The following SEPTIN2 variants were observed in gnomAD, a reference collection of about 807,000 sequenced individuals.
SEPTIN2 encodes the protein septin-2.
Under a neutral mutation model 46.5 loss-of-function variants are expected in SEPTIN2, and 34 were observed. The observed-to-expected ratio is 0.73, with a 90% CI of 0.56 to 0.97. The LOEUF is 0.97. Among genes scored for constraint, SEPTIN2 ranks in the 50% least tolerant of loss-of-function variants. SEPTIN2 has a pLI of 0.00. For synonymous variants in SEPTIN2, 175 were observed against 153.4 expected, an observed-to-expected ratio of 1.14 and a Z score of -1.04; for missense variants, 347 against 448.4, an observed-to-expected ratio of 0.77 and a Z score of 2.04.
At chr2:241,321,149 A>T (rs571414429) in intron 1 of SEPTIN2, among the ~76,000 whole-genome samples, 2 of 152,102 alleles carry the variant, frequency 1.3e-5, no homozygotes, top group East Asian at 1.9e-4. Context: ...AAATTTCTCT[A>T]TGTCTGCTAA....
At chr2:241,332,577 G>T (rs1255226543) in intron 3 of SEPTIN2, among the ~76,000 whole-genome samples, 2 of 152,198 alleles carry the variant, frequency 1.3e-5, no homozygotes, top group Non-Finnish European at 1.5e-5. Flanking sequence ...CAGTATGGAA[G>T]CCAGTTTGGT....
chr2:241,337,289 T>C (rs779644563), intron 5 of SEPTIN2, 93 bp from the exon 6 acceptor site: 1 of 1,069,048 alleles, frequency 9.4e-7, no homozygotes, highest in Non-Finnish European at 1.4e-6. Flanking sequence ...TTAAATTATG[T>C]ATATTTGGGC....
Position 241,337,437 on chromosome 2 carries a change from G to A in SEPTIN2, c.397G>A (p.Glu133Lys), listed in dbSNP as rs1474749082. Residue 133 changes from glutamate to lysine, a missense_variant, in exon 6 of 13, where the codon GAG (glutamate) becomes AAG (lysine). Glu to Lys is a moderately conservative substitution (Grantham distance 56, BLOSUM62 1). Coordinates refer to ENST00000391971, the MANE Select transcript of SEPTIN2 (RefSeq NM_004404.5). Reference protein sequence around the residue: ...DEQFERYLHDESGLNRRHIID... With the variant: ...DEQFERYLHDKSGLNRRHIID... ...GCAATTTGAGAGGTACCTGCATGAC[G>A]AGAGCGGCTTGAACAGGCGGCACAT... The A allele has an allele frequency of 6.2e-7, 1 of 1,613,882 alleles. No homozygotes were observed. Among genetic ancestry groups the A allele is most frequent in the East Asian group, 2.2e-5 (1 of 44,896 alleles).
chr2:241,343,662 T>C, intron 8 of SEPTIN2, 90 bp from the exon 9 acceptor site: 4 of 1,411,988 alleles, frequency 2.8e-6, no homozygotes, highest in Non-Finnish European at 3.9e-6. Context: ...TCAACAGCAA[T>C]GTGTTAAGTC....
chr2:241,316,707 C>CT lies in SEPTIN2; in HGVS notation c.-18+729dup. 3 of 489,836 alleles carry CT rather than the reference C, an allele frequency of 6.1e-6. No homozygotes were observed. In the South Asian group the frequency reaches 9.4e-5, roughly 15 times the overall value. The allele number at this position is 489,836 out of a possible 1,614,324, so 30.3% of individuals were successfully genotyped here. Reference sequence around the variant, plus strand: ...AGACAAACCTGGCTTGCTTTTTTACCTTTTCGGTCTAATTCTTGTCAGTGC... The same window carrying CT: ...AGACAAACCTGGCTTGCTTTTTTACCTTTTTCGGTCTAATTCTTGTCAGTGC... On this transcript the variant is annotated intron_variant, in intron 1 of 12. Coordinates refer to ENST00000391971, the MANE Select transcript of SEPTIN2 (RefSeq NM_004404.5).
rs2060444129 is a variant in SEPTIN2 at position 241,348,203 on chromosome 2, A to G, written c.984+12A>G. Reference sequence around the variant, plus strand: ...AAAAAGAAGCTGAGGTAAGTAGGAAAGTACTATTGGTTGGTTGGTTGGTTG... The same window carrying G: ...AAAAAGAAGCTGAGGTAAGTAGGAAGGTACTATTGGTTGGTTGGTTGGTTG... On this transcript the variant is annotated intron_variant, in intron 11 of 12. Transcript: ENST00000391971. The G allele has an allele frequency of 1.2e-6, 2 of 1,609,420 alleles. No individual in the cohort carries two copies. Among genetic ancestry groups the G allele is most frequent in the South Asian group, 1.1e-5 (1 of 90,614 alleles).
intron 1 of SEPTIN2, among the ~76,000 whole-genome samples, chr2:241,323,720 A>T (rs949326503): frequency 6.6e-6 from 1 of 152,230 alleles, no homozygotes; most frequent in Non-Finnish European, 1.5e-5. Flanking sequence ...TACACCAAAG[A>T]ATGGTGATTA....
intron 1 of SEPTIN2, among the ~76,000 whole-genome samples, chr2:241,319,708 C>T (rs1349654558): frequency 5.9e-5 from 9 of 152,354 alleles, no homozygotes; most frequent in African/African-American, 2.2e-4. Context: ...CCTCCCACCT[C>T]AGTCTCCCAC....
intron 7 of SEPTIN2, among the ~76,000 whole-genome samples, chr2:241,338,802 CATATT>C (rs1179978477): frequency 4.9e-5 from 4 of 81,226 alleles, no homozygotes; most frequent in East Asian, 3.0e-4. Context: ...ATATATAATA[CATATT>C]ATATTTATAT....
At chr2:241,335,235 G>A in intron 4 of SEPTIN2, 23 bp downstream of exon 4, 3 of 1,607,448 alleles carry the variant, frequency 1.9e-6, no homozygotes, top group Middle Eastern at 1.7e-4. Flanking sequence ...TTATGTTACT[G>A]TAAGTGTAAT....
upstream of SEPTIN2, chr2:241,315,523 C>T (rs893637187): frequency 2.0e-5 from 3 of 152,758 alleles, no homozygotes; most frequent in Non-Finnish European, 4.4e-5. Flanking sequence ...AACAAACGGC[C>T]TTCCCCCCAC....
chr2:241,318,758 T>G (rs1262381312), intron 1 of SEPTIN2, among the ~76,000 whole-genome samples: 4 of 151,062 alleles, frequency 2.6e-5, no homozygotes, highest in Non-Finnish European at 5.9e-5. Flanking sequence ...TGGAGTGCAG[T>G]GGTGCGATCT....
chr2:241,336,864 G>C (rs1652214063), intron 5 of SEPTIN2: 1 of 169,730 alleles, frequency 5.9e-6, no homozygotes, highest in African/African-American at 2.4e-5. Context: ...GGGAGGCTGA[G>C]GTGGGCTGAT....
At chr2:241,327,014 C>G (rs548182836) in intron 3 of SEPTIN2, among the ~76,000 whole-genome samples, 147 of 135,708 alleles carry the variant, frequency 1.1e-3, no homozygotes, top group African/African-American at 4.0e-3. Context: ...TGCCACTGCA[C>G]TCAAGCCTCA....
chr2:241,322,828 C>T (rs1252604066), intron 1 of SEPTIN2, among the ~76,000 whole-genome samples: 1 of 151,874 alleles, frequency 6.6e-6, no homozygotes, highest in Non-Finnish European at 1.5e-5. Context: ...TAATGAAGTC[C>T]CTTACTCCTT....
At chr2:241,336,835 C>T in intron 5 of SEPTIN2, 1 of 170,450 alleles carries the variant, frequency 5.9e-6, no homozygotes, top group Non-Finnish European at 1.4e-5. Context: ...ATGGCTCATG[C>T]CTGTAATCCC....
intron 1 of SEPTIN2, among the ~76,000 whole-genome samples, chr2:241,321,245 C>CT (rs2077074749): frequency 6.6e-6 from 1 of 152,086 alleles, no homozygotes; most frequent in South Asian, 2.1e-4. Context: ...TCAGAGAACT[C>CT]TATTAAAGTT....
At chr2:241,340,508 A>G (rs915330519) in intron 7 of SEPTIN2, among the ~76,000 whole-genome samples, 3 of 152,156 alleles carry the variant, frequency 2.0e-5, no homozygotes, top group African/African-American at 7.2e-5. Context: ...TTTAGAAAGT[A>G]TTTGAACCTT....
At chr2:241,326,247 T>C (rs1191922733) in intron 3 of SEPTIN2, 134 bp downstream of exon 3, 3 of 738,258 alleles carry the variant, frequency 4.1e-6, no homozygotes, top group Admixed American at 3.7e-5. Context: ...TTTGAACAAA[T>C]ATATGTGTAT....
Sources: allele counts gnomAD v4.1 joint callset (sites outside exome capture counted in the v4.1 genomes callset), GRCh38; gene constraint gnomAD v4.1.1; transcripts MANE v1.5; gene names NCBI Gene and HGNC (gene_info 2026-07-23, HGNC 2026-07-21).